The following RANBP17 variants were observed in gnomAD, a reference collection of about 807,000 sequenced individuals.
RANBP17 encodes the protein ran-binding protein 17.
A neutral mutation model predicts 141.2 loss-of-function variants in RANBP17; 158 were observed. That is an observed-to-expected ratio of 1.12 (90% CI 0.98 to 1.28). The LOEUF is 1.28. RANBP17 is among the 50% of genes most tolerant of loss of function. The probability of loss-of-function intolerance (pLI) is 0.00; values close to 1 mark genes in which losing one functional copy is unlikely to be tolerated. For missense variants in RANBP17, 1,438 were observed against 1,290.7 expected (o/e 1.11, Z -1.75); for synonymous variants, 430 against 450.0 (o/e 0.96, Z 0.56).
intron 14 of RANBP17, among the ~76,000 whole-genome samples, chr5:170,993,321 G>T (rs538189385): frequency 4.6e-5 from 7 of 152,092 alleles, no homozygotes; most frequent in African/African-American, 1.7e-4. Context: ...TCAGACCAAT[G>T]CCTTAGTTCT....
At chr5:171,040,736 G>A (rs1782197582) in intron 14 of RANBP17, among the ~76,000 whole-genome samples, 1 of 152,100 alleles carries the variant, frequency 6.6e-6, no homozygotes, top group Admixed American at 6.6e-5. Context: ...GAGGGAATAA[G>A]TTAAAAATGT....
chr5:170,950,428 T>A (rs1775118351), intron 12 of RANBP17, among the ~76,000 whole-genome samples: 4 of 151,412 alleles, frequency 2.6e-5, no homozygotes, highest in African/African-American at 9.7e-5. Context: ...TCAAATGACA[T>A]GAATAGACAT....
At chr5:170,975,249 C>G (rs902153346) in intron 14 of RANBP17, among the ~76,000 whole-genome samples, 2 of 152,154 alleles carry the variant, frequency 1.3e-5, no homozygotes, top group African/African-American at 4.8e-5. Flanking sequence ...ATTCAGCCAG[C>G]TGGGCGTGGT....
intron 5 of RANBP17, among the ~76,000 whole-genome samples, chr5:170,907,492 A>G (rs1231270732): frequency 1.3e-5 from 2 of 151,942 alleles, no homozygotes; most frequent in Non-Finnish European, 2.9e-5. Context: ...AACTACTTAT[A>G]TGGATCTTAA....
At position 170,976,015 on chromosome 5, in the gene RANBP17, G is replaced by A. The variant is rs529853672; in HGVS notation, c.1710+7638G>A. Among the ~76,000 whole-genome samples, 11 of 150,844 alleles carry A rather than the reference G, an allele frequency of 7.3e-5. No homozygotes were observed. The South Asian group carries it at 2.3e-3, about 32-fold the overall frequency. The stretch of plus-strand genomic sequence containing the variant: ...AAACAAAACAAAACAAAACAAAAAG[G>A]CATCCAGATTTAAAAAAAAAAGGAA... On this transcript the variant is annotated intron_variant, in intron 14 of 27. Transcript: ENST00000523189.
chr5:171,152,150 C>G (rs756731639), intron 14 of RANBP17, among the ~76,000 whole-genome samples: 4 of 151,794 alleles, frequency 2.6e-5, no homozygotes, highest in African/African-American at 9.7e-5. Context: ...AGCTCACTCA[C>G]GCCTGTAATC....
chr5:171,099,834 G>A (rs1011367797), intron 14 of RANBP17, among the ~76,000 whole-genome samples: 4 of 152,120 alleles, frequency 2.6e-5, no homozygotes, highest in Admixed American at 1.3e-4. Flanking sequence ...TTTTATCAAA[G>A]GCTTTTTCTG....
At chr5:171,199,221 A>G (rs1462657850) in intron 18 of RANBP17, among the ~76,000 whole-genome samples, 1 of 152,170 alleles carries the variant, frequency 6.6e-6, no homozygotes, top group Non-Finnish European at 1.5e-5. Flanking sequence ...ATTAAAAAGA[A>G]CATAAATAAA....
chr5:170,901,960 C>G (rs890309508), intron 5 of RANBP17, among the ~76,000 whole-genome samples: 1 of 152,098 alleles, frequency 6.6e-6, no homozygotes, highest in African/African-American at 2.4e-5. Context: ...AACATTTTTT[C>G]CTTCATTTCA....
chr5:171,041,271 A>G (rs534520775), intron 14 of RANBP17, among the ~76,000 whole-genome samples: 166 of 152,236 alleles, frequency 1.1e-3, no homozygotes, highest in African/African-American at 3.8e-3. Flanking sequence ...TTAAGCAGTA[A>G]TTGATAGCAC....
chr5:170,974,656 C>T (rs997070669), intron 14 of RANBP17, among the ~76,000 whole-genome samples: 1 of 152,192 alleles, frequency 6.6e-6, no homozygotes, highest in Non-Finnish European at 1.5e-5. Context: ...ACAGCTGAAG[C>T]TCCAGGCAGC....
chr5:171,201,487 T>G (rs1762292779), intron 19 of RANBP17, among the ~76,000 whole-genome samples: 1 of 152,268 alleles, frequency 6.6e-6, no homozygotes, highest in South Asian at 2.1e-4. Flanking sequence ...CACTCCGTGC[T>G]TCCGTCCTAA....
intron 14 of RANBP17, among the ~76,000 whole-genome samples, chr5:171,027,263 G>A (rs527650415): frequency 6.6e-5 from 10 of 152,258 alleles, no homozygotes; most frequent in East Asian, 3.9e-4. Context: ...TTATTACTGC[G>A]TGGTTCCAGA....
intron 3 of RANBP17, among the ~76,000 whole-genome samples, chr5:170,888,883 T>G (rs958883933): frequency 3.9e-5 from 6 of 152,080 alleles, no homozygotes; most frequent in African/African-American, 1.4e-4. Flanking sequence ...TATTCCTAGT[T>G]TGCTGAGAGT....
intron 14 of RANBP17, among the ~76,000 whole-genome samples, chr5:171,023,559 A>C (rs1781029908): frequency 6.6e-6 from 1 of 152,182 alleles, no homozygotes; most frequent in African/African-American, 2.4e-5. Context: ...TCTCTCATCT[A>C]CTTTTTTTCT....
chr5:171,135,728 C>G lies in RANBP17; in HGVS notation c.1711-34402C>G, dbSNP rs1160111621. On this transcript the variant is annotated intron_variant, in intron 14 of 27. Coordinates refer to ENST00000523189, the MANE Select transcript of RANBP17 (RefSeq NM_022897.5). Reference sequence around the variant, plus strand: ...GAAAATTCTTTTTCTCTTTACTGGTCAGTTCTATAGAAGTAATTTAAAATA... The same window carrying G: ...GAAAATTCTTTTTCTCTTTACTGGTGAGTTCTATAGAAGTAATTTAAAATA... 3.3e-5 allele frequency among the ~76,000 whole-genome samples: 5 copies of G among 152,154 alleles called. No homozygotes were observed. The East Asian group carries it at 9.6e-4, about 29-fold the overall frequency.
At chr5:170,967,814 A>T (rs111974539) in intron 13 of RANBP17, among the ~76,000 whole-genome samples, 10 of 151,684 alleles carry the variant, frequency 6.6e-5, no homozygotes, top group Admixed American at 5.9e-4. Flanking sequence ...ACCTCAAAAT[A>T]TTTAATTATT....
intron 16 of RANBP17, among the ~76,000 whole-genome samples, chr5:171,173,319 C>T (rs1174672349): frequency 6.6e-6 from 1 of 151,928 alleles, no homozygotes; most frequent in Non-Finnish European, 1.5e-5. Flanking sequence ...AATAAGATGA[C>T]ATTCTTCAGC....
At chr5:171,255,144 A>T (rs182104633) in intron 24 of RANBP17, among the ~76,000 whole-genome samples, 2 of 152,330 alleles carry the variant, frequency 1.3e-5, no homozygotes, top group East Asian at 3.9e-4. Context: ...AATTATATAT[A>T]GCCTGCCTGA....
Sources: allele counts gnomAD v4.1 joint callset (sites outside exome capture counted in the v4.1 genomes callset), GRCh38; gene constraint gnomAD v4.1.1; transcripts MANE v1.5; gene names NCBI Gene and HGNC (gene_info 2026-07-23, HGNC 2026-07-21).